CDKAL1: variants seen among roughly 807,000 people sequenced by gnomAD.
The protein encoded by CDKAL1 is threonylcarbamoyladenosine tRNA methylthiotransferase.
In CDKAL1, 32 loss-of-function variants were observed where a neutral mutation model predicts 68.2. The observed-to-expected ratio is 0.47, with a 90% confidence interval of 0.35 to 0.63. The LOEUF is 0.63. Among genes scored for constraint, CDKAL1 ranks in the 30% least tolerant of loss-of-function variants. The pLI is 0.00. For synonymous variants in CDKAL1, 234 were observed against 244.3 expected, an observed-to-expected ratio of 0.96 and a Z score of 0.39; for missense variants, 606 against 696.7, an observed-to-expected ratio of 0.87 and a Z score of 1.47.
chr6:21,181,146 C>T (rs1472503453), intron 13 of CDKAL1, among the ~76,000 whole-genome samples: 4 of 152,132 alleles, frequency 2.6e-5, no homozygotes, highest in Non-Finnish European at 4.4e-5. Flanking sequence ...AACCCACTGT[C>T]GAGATAGCTA....
intron 12 of CDKAL1, among the ~76,000 whole-genome samples, chr6:21,105,988 C>G (rs1156291868): frequency 6.6e-6 from 1 of 152,190 alleles, no homozygotes; most frequent in African/African-American, 2.4e-5. Context: ...CCAACTTAAG[C>G]TGAGATCCCT....
chr6:20,893,113 C>T (rs541257653), intron 9 of CDKAL1, among the ~76,000 whole-genome samples: 4 of 152,300 alleles, frequency 2.6e-5, no homozygotes, highest in East Asian at 3.9e-4. Flanking sequence ...ATCCCAAAAA[C>T]GCATCTCTCT....
intron 9 of CDKAL1, among the ~76,000 whole-genome samples, chr6:20,860,802 A>G (rs770604170): frequency 2.0e-5 from 3 of 152,002 alleles, no homozygotes; most frequent in Non-Finnish European, 1.5e-5. Context: ...CCAGCCTGGC[A>G]ACAGAGCGAG....
intron 10 of CDKAL1, among the ~76,000 whole-genome samples, chr6:20,972,445 C>T (rs1296460400): frequency 1.3e-5 from 2 of 152,184 alleles, no homozygotes; most frequent in Non-Finnish European, 2.9e-5. Context: ...CAGTTTTATC[C>T]GTGGAAGCCT....
chr6:20,716,821 G>A (rs1018152986), intron 5 of CDKAL1, among the ~76,000 whole-genome samples: 37 of 151,570 alleles, frequency 2.4e-4, no homozygotes, highest in Admixed American at 2.4e-3. Flanking sequence ...ATCATGTGCT[G>A]TAGATGGTGT....
At chr6:20,634,571 G>T (rs763693140) in intron 4 of CDKAL1, among the ~76,000 whole-genome samples, 2 of 152,198 alleles carry the variant, frequency 1.3e-5, no homozygotes. Context: ...TTATACAAGA[G>T]TGGTGGTGGT....
intron 15 of CDKAL1, among the ~76,000 whole-genome samples, chr6:21,216,792 A>T (rs1295905516): frequency 6.6e-6 from 1 of 152,098 alleles, no homozygotes; most frequent in Non-Finnish European, 1.5e-5. Context: ...CTCCAGCCCA[A>T]ATCTTGCTAG....
chr6:20,611,671 A>G (rs571020155), intron 4 of CDKAL1, among the ~76,000 whole-genome samples: 1 of 152,330 alleles, frequency 6.6e-6, no homozygotes, highest in Admixed American at 6.5e-5. Flanking sequence ...TGTTATGTGC[A>G]TACAATGTGT....
chr6:20,975,534 C>A (rs910546766), intron 10 of CDKAL1, among the ~76,000 whole-genome samples: 1 of 152,156 alleles, frequency 6.6e-6, no homozygotes, highest in African/African-American at 2.4e-5. Flanking sequence ...TACATAACAT[C>A]TATTCAATAA....
chr6:20,612,048 C>T (rs1766640620), intron 4 of CDKAL1, among the ~76,000 whole-genome samples: 1 of 152,122 alleles, frequency 6.6e-6, no homozygotes, highest in Non-Finnish European at 1.5e-5. Flanking sequence ...TAATGATTTC[C>T]AGTTCCATTC....
In CDKAL1 at chr6:21,089,382, C is replaced by G. The variant is rs368246106; in HGVS notation, c.1237-19019C>G. ...GTCCCAGCTACTCAGGAGGCTGAGGCAGGAGGATCACTGGAGCCTAGGAGG... is the reference window on the plus strand; with the variant it reads ...GTCCCAGCTACTCAGGAGGCTGAGGGAGGAGGATCACTGGAGCCTAGGAGG... On this transcript the variant is annotated intron_variant, in intron 12 of 15. Transcript: ENST00000274695. Among the ~76,000 whole-genome samples the G allele has an allele frequency of 7.6e-4, 116 of 152,212 alleles. 2 individuals are homozygous for G. In the South Asian group the frequency reaches 0.02, roughly 26 times the overall value.
chr6:21,047,522 T>C (rs925939204), intron 11 of CDKAL1, among the ~76,000 whole-genome samples: 3 of 152,216 alleles, frequency 2.0e-5, no homozygotes, highest in African/African-American at 7.2e-5. Context: ...TGTATTCGTC[T>C]TACTGTCTGT....
chr6:21,006,253 G>T (rs886442686), intron 11 of CDKAL1, among the ~76,000 whole-genome samples: 2 of 151,766 alleles, frequency 1.3e-5, no homozygotes, highest in Non-Finnish European at 2.9e-5. Flanking sequence ...AGTCCTAGTG[G>T]CTTGGAAACA....
rs1776241521 is a variant in CDKAL1 at position 20,799,039 on chromosome 6, A to ATTTTT, written c.638+17774_638+17775insTTTTT. On this transcript the variant is annotated intron_variant, in intron 8 of 15. Coordinates refer to ENST00000274695, the MANE Select transcript of CDKAL1 (RefSeq NM_017774.3). ...GGGCCCATATATTTGAAAAGAACTG[A>ATTTTT]GTTTTTTTTTTTTTTTTTTTTTTTT... is the stretch of plus-strand genomic sequence containing the variant. Among the ~76,000 whole-genome samples, 14 of 26,262 alleles carry ATTTTT rather than the reference A, an allele frequency of 5.3e-4. 1 individual carries two copies. The highest frequency in any genetic ancestry group is 1.0e-3 in the Non-Finnish European group (12 of 11,490). The allele number at this position is 26,262 out of a possible 152,430, so 17.2% of individuals were successfully genotyped here. A position where few individuals can be genotyped will look rare whatever the true frequency, so the allele number is the denominator to read the frequency against.
chr6:20,715,227 A>G (rs1400207244), intron 5 of CDKAL1, among the ~76,000 whole-genome samples: 2 of 152,270 alleles, frequency 1.3e-5, no homozygotes, highest in South Asian at 2.1e-4. Context: ...CTTCTGCCAG[A>G]ATCACTGTTT....
chr6:20,728,634 C>G (rs1351952637), intron 5 of CDKAL1, among the ~76,000 whole-genome samples: 1 of 152,110 alleles, frequency 6.6e-6, no homozygotes, highest in African/African-American at 2.4e-5. Flanking sequence ...TGATCTTGGA[C>G]AAGCCATTTA....
At chr6:20,875,742 CA>C (rs1760480716) in intron 9 of CDKAL1, among the ~76,000 whole-genome samples, 3 of 152,072 alleles carry the variant, frequency 2.0e-5, no homozygotes, top group African/African-American at 7.2e-5. Context: ...ATTAGTTTCA[CA>C]TTACTAAACA....
At chr6:21,015,322 A>G (rs1010836499) in intron 11 of CDKAL1, among the ~76,000 whole-genome samples, 1 of 152,222 alleles carries the variant, frequency 6.6e-6, no homozygotes, top group Non-Finnish European at 1.5e-5. Context: ...AGAAGTAAAC[A>G]GATTTCTTTT....
At chr6:20,781,597 G>C (rs972724443) in intron 8 of CDKAL1, among the ~76,000 whole-genome samples, 4 of 151,950 alleles carry the variant, frequency 2.6e-5, no homozygotes, top group African/African-American at 7.3e-5. Flanking sequence ...TGTCATATTC[G>C]ACTGTTTTTT....
Sources: allele counts gnomAD v4.1 joint callset (sites outside exome capture counted in the v4.1 genomes callset), GRCh38; gene constraint gnomAD v4.1.1; transcripts MANE v1.5; gene names NCBI Gene and HGNC (gene_info 2026-07-23, HGNC 2026-07-21).